The following CAMTA1 variants were observed in gnomAD, a reference collection of about 807,000 sequenced individuals.
CAMTA1 encodes calmodulin-binding transcription activator 1.
CAMTA1 carries 27 observed loss-of-function variants against 170.9 expected under a neutral mutation model. That is an observed-to-expected ratio of 0.16 (90% CI 0.12 to 0.22). CAMTA1 has a LOEUF of 0.22. Among genes scored for constraint, CAMTA1 ranks in the 10% least tolerant of loss-of-function variants. The pLI, the probability that CAMTA1 is intolerant of heterozygous loss-of-function variation, is 1.00. For synonymous variants in CAMTA1, 833 were observed against 891.5 expected (o/e 0.93, Z 1.17); for missense variants, 1,619 against 2,217.2 (o/e 0.73, Z 5.42).
At chr1:7,268,628 C>T (rs933459834) in intron 5 of CAMTA1, among the ~76,000 whole-genome samples, 9 of 152,080 alleles carry the variant, frequency 5.9e-5, no homozygotes, top group Non-Finnish European at 1.0e-4. Flanking sequence ...CCTAACAAAG[C>T]GTATAAACAA....
At chr1:7,712,424 G>T (rs1365254611) in intron 11 of CAMTA1, among the ~76,000 whole-genome samples, 1 of 151,968 alleles carries the variant, frequency 6.6e-6, no homozygotes, top group African/African-American at 2.4e-5. Context: ...AGGCTCAAGT[G>T]ATCCTCCCAC....
chr1:7,118,547 C>T (rs1347725325), intron 4 of CAMTA1, among the ~76,000 whole-genome samples: 4 of 151,892 alleles, frequency 2.6e-5, no homozygotes, highest in African/African-American at 9.7e-5. Context: ...TGGCTGTTGG[C>T]TAGTACCATT....
intron 4 of CAMTA1, among the ~76,000 whole-genome samples, chr1:7,225,562 G>A (rs1661553310): frequency 1.3e-5 from 2 of 152,182 alleles, no homozygotes; most frequent in Admixed American, 1.3e-4. Context: ...GAACACCTGG[G>A]AGGGTCCATC....
chr1:6,895,762 A>G (rs1285996419), intron 3 of CAMTA1, among the ~76,000 whole-genome samples: 1 of 152,082 alleles, frequency 6.6e-6, no homozygotes, highest in East Asian at 1.9e-4. Context: ...GCTCACCTCA[A>G]ATGTTATATC....
rs545574447 is a variant in CAMTA1 at position 7,265,514 on chromosome 1, A to G, written c.438+15888A>G. ...TTTTTAGTAAAGACAGGGTTTCGCC[A>G]TGTTGGCCAGGCTGGTCTCGAACTC... On this transcript the variant is annotated intron_variant, in intron 5 of 22. Transcript: ENST00000303635. Among the ~76,000 whole-genome samples, 779 of 152,162 alleles carry G rather than the reference A, an allele frequency of 5.1e-3. 4 individuals are homozygous for G. Among genetic ancestry groups the G allele is most frequent in the African/African-American group, 0.018 (744 of 41,516 alleles).
chr1:7,745,233 A>G (rs1308896155), intron 17 of CAMTA1, among the ~76,000 whole-genome samples: 1 of 152,112 alleles, frequency 6.6e-6, no homozygotes, highest in East Asian at 1.9e-4. Context: ...AGAGCATAAG[A>G]GATCGTGTTA....
intron 6 of CAMTA1, among the ~76,000 whole-genome samples, chr1:7,551,384 G>T (rs1042616782): frequency 7.2e-6 from 1 of 139,176 alleles, no homozygotes; most frequent in Non-Finnish European, 1.5e-5. Context: ...ACACACACAG[G>T]TGTTTATGAG....
rs1167513661 is a variant in CAMTA1 at position 7,041,531 on chromosome 1, A to T, written c.235-49773A>T. The stretch of plus-strand genomic sequence containing the variant: ...ATGTGGGGCTGAGAAACTCTTACGA[A>T]ATTAAGCATAATGCGAAAACATGCT... On this transcript the variant is annotated intron_variant, in intron 3 of 22. Coordinates refer to ENST00000303635, the MANE Select transcript of CAMTA1 (RefSeq NM_015215.4). This position sits in a 1 kb window ranked among gnomAD's most constrained non-coding sequence, Gnocchi z 5.1. 6.6e-6 allele frequency among the ~76,000 whole-genome samples: 1 copy of T among 152,250 alleles called. No homozygotes were observed. The highest frequency in any genetic ancestry group is 1.9e-4 in the East Asian group (1 of 5,204).
At chr1:7,193,300 C>T (rs150713574) in intron 4 of CAMTA1, among the ~76,000 whole-genome samples, 623 of 150,698 alleles carry the variant, frequency 4.1e-3, no homozygotes, top group African/African-American at 0.014. Context: ...TGCAGTGAGC[C>T]GAGATTGCAC....
chr1:7,406,679 C>T lies in CAMTA1; in HGVS notation c.439-61151C>T, dbSNP rs376175293. Among the ~76,000 whole-genome samples the T allele has an allele frequency of 3.3e-5, 5 of 152,000 alleles. No individual in the cohort carries two copies. In the East Asian group the frequency reaches 5.8e-4, roughly 18 times the overall value. ...ACACATGCACACAGAGAGATGCATA[C>T]ATGTATACACAAGCAGGGCTTACGT... On this transcript the variant is annotated intron_variant, in intron 5 of 22. Coordinates refer to ENST00000303635, the MANE Select transcript of CAMTA1 (RefSeq NM_015215.4).
chr1:6,922,425 T>A (rs1251577589), intron 3 of CAMTA1, among the ~76,000 whole-genome samples: 1 of 152,194 alleles, frequency 6.6e-6, no homozygotes, highest in African/African-American at 2.4e-5. Flanking sequence ...GTCTCAGTGC[T>A]GTTGCAGTCA....
At chr1:7,666,042 G>A (rs2095998290) in intron 9 of CAMTA1, among the ~76,000 whole-genome samples, 1 of 151,960 alleles carries the variant, frequency 6.6e-6, no homozygotes, top group African/African-American at 2.4e-5. Context: ...AGTGGCACGT[G>A]CCTGTAATCC....
chr1:7,678,284 ATAC>A (rs1361180475), intron 11 of CAMTA1, among the ~76,000 whole-genome samples: 1 of 152,194 alleles, frequency 6.6e-6, no homozygotes, highest in African/African-American at 2.4e-5. Context: ...AAGCCCTCAA[ATAC>A]CCTCAACTCC....
chr1:6,951,247 G>A (rs952622019), intron 3 of CAMTA1, among the ~76,000 whole-genome samples: 19 of 152,210 alleles, frequency 1.2e-4, no homozygotes, highest in Admixed American at 1.0e-3. Context: ...ACAGGTGGGG[G>A]ATCTGGATCA....
chr1:7,679,370 A>G (rs1403437246), intron 11 of CAMTA1, among the ~76,000 whole-genome samples: 1 of 152,184 alleles, frequency 6.6e-6, no homozygotes. Context: ...GCAGTGCCCC[A>G]GAGCTCAGGA....
At chr1:7,583,664 G>C (rs761626713) in intron 6 of CAMTA1, among the ~76,000 whole-genome samples, 3 of 152,156 alleles carry the variant, frequency 2.0e-5, no homozygotes, top group Admixed American at 6.5e-5. Context: ...CCGCCTCTGG[G>C]GGGCAGTGAC....
At chr1:7,627,106 A>T (rs1023650466) in intron 6 of CAMTA1, among the ~76,000 whole-genome samples, 1 of 152,022 alleles carries the variant, frequency 6.6e-6, no homozygotes. Flanking sequence ...TCTTTAATTC[A>T]TGGAGAGTTA....
intron 6 of CAMTA1, among the ~76,000 whole-genome samples, chr1:7,535,491 G>A (rs2094538746): frequency 6.6e-6 from 1 of 152,202 alleles, no homozygotes; most frequent in African/African-American, 2.4e-5. Flanking sequence ...GGACGTCTGG[G>A]CTGCGAGCAT....
In CAMTA1 at chr1:7,320,649, GTTTTTTTTTT is replaced by G. The variant is rs55683398; in HGVS notation, c.438+71039_438+71048del. On this transcript the variant is annotated intron_variant, in intron 5 of 22. Transcript: ENST00000303635. ...TATCCCCCTGGGCTGTGCTGTGTGT[GTTTTTTTTTT>G]TTTTTTTTTTTTTTTGCTATCTTAG... Among the ~76,000 whole-genome samples the G allele has an allele frequency of 4.6e-4, 37 of 80,316 alleles. No individual in the cohort carries two copies. The South Asian group carries it at 0.015, about 33-fold the overall frequency. 52.7% of individuals were successfully genotyped at this position (80,316 alleles called of 152,430 possible). A position where few individuals can be genotyped will look rare whatever the true frequency, so the allele number is the denominator to read the frequency against.
Sources: allele counts gnomAD v4.1 joint callset (sites outside exome capture counted in the v4.1 genomes callset), GRCh38; gene constraint gnomAD v4.1.1; non-coding constraint Gnocchi (gnomAD v3.1); transcripts MANE v1.5; gene names NCBI Gene and HGNC (gene_info 2026-07-23, HGNC 2026-07-21).